The following SLC37A3 variants were observed in gnomAD, a reference collection of about 807,000 sequenced individuals.
The protein encoded by SLC37A3 is solute carrier family 37 member 3.
SLC37A3 carries 51 observed loss-of-function variants against 67.1 expected under a neutral mutation model. That is an observed-to-expected ratio of 0.76 (90% confidence interval 0.61 to 0.96). The LOEUF (loss-of-function observed/expected upper bound fraction) is 0.96, where lower values mean the gene tolerates loss of function less well. SLC37A3 is among the 40% of genes least tolerant of loss of function. The pLI is 0.00. For missense variants in SLC37A3, 508 were observed against 603.0 expected, an observed-to-expected ratio of 0.84 and a Z score of 1.65; for synonymous variants, 214 against 231.4, an observed-to-expected ratio of 0.92 and a Z score of 0.68.
In SLC37A3 at chr7:140,358,750, A is replaced by G. The variant is rs1416475999; in HGVS notation, c.411T>C (p.Arg137=). 9 of 1,614,032 alleles carry G rather than the reference A, an allele frequency of 5.6e-6. No homozygotes were observed. The African/African-American group carries it at 1.2e-4, about 22-fold the overall frequency. Residue 137 remains arginine, a synonymous_variant, in exon 6 of 15, where the codon CGT becomes CGC. Transcript: ENST00000326232. ...AGCAGTACAGCCATTTGTTGTAGAA[A>G]CGCAGCCATTCTGTGAGCGCACCAA... ...FVFGALTEWL[R]FYNKWLYCCL...
rs546322947 is a variant in SLC37A3, at chr7:140,346,101, C to T, written c.1025-131G>A. The stretch of plus-strand genomic sequence containing the variant: ...AGTCTATCAAAAAATATGGCTGGGC[C>T]GGGCTCGGTGGCTCACACCTGTAAT... On this transcript the variant is annotated intron_variant, in intron 10 of 14. Transcript: ENST00000326232. The T allele has an allele frequency of 5.8e-5, 39 of 668,826 alleles. 1 individual carries two copies. In the East Asian group the frequency reaches 7.6e-4, roughly 13 times the overall value. 41.4% of individuals were successfully genotyped at this position (668,826 alleles called of 1,614,324 possible).
rs556435681 is a variant in SLC37A3, at chr7:140,368,327, A to T, written c.291+1263T>A. On this transcript the variant is annotated intron_variant, in intron 4 of 14. Coordinates refer to ENST00000326232, the MANE Select transcript of SLC37A3 (RefSeq NM_207113.3). ...ACGCCTGTAATCCCAGCACTTTGGG[A>T]GGCCGAGGCAAGCGGATCGTCTGAG... is the stretch of plus-strand genomic sequence containing the variant. Among the ~76,000 whole-genome samples, 13 of 152,038 alleles carry T rather than the reference A, an allele frequency of 8.6e-5. No individual in the cohort carries two copies. In the East Asian group the frequency reaches 2.0e-3, roughly 23 times the overall value.
At chr7:140,378,895 A>T (rs920117802) in intron 3 of SLC37A3, among the ~76,000 whole-genome samples, 3 of 150,516 alleles carry the variant, frequency 2.0e-5, no homozygotes, top group Non-Finnish European at 4.4e-5. Context: ...AAAAATACAA[A>T]AATTAGCCAG....
intron 7 of SLC37A3, among the ~76,000 whole-genome samples, chr7:140,354,867 C>T (rs1585283645): frequency 6.6e-6 from 1 of 151,934 alleles, no homozygotes; most frequent in Admixed American, 6.6e-5. Flanking sequence ...CCTCAGCCTC[C>T]TGAATAGCAG....
intron 9 of SLC37A3, among the ~76,000 whole-genome samples, chr7:140,350,450 A>C (rs1381415010): frequency 2.0e-5 from 3 of 152,190 alleles, no homozygotes; most frequent in Non-Finnish European, 2.9e-5. Flanking sequence ...AAGACTGTGG[A>C]GTGCTCTCTT....
chr7:140,380,376 T>C lies in SLC37A3; in HGVS notation c.104A>G (p.His35Arg), dbSNP rs1379227963. ...ATTGCTAAATGTTTTTCGTGAAGCA[T>C]GGAGCAACGAATAACTACAAAATAG... ...LLTFFSYSLL[H>R]ASRKTFSNVK... Residue 35 changes from histidine to arginine, a missense_variant, in exon 3 of 15, where the codon CAT becomes CGT. His to Arg is a conservative substitution (Grantham distance 29, BLOSUM62 0). Coordinates refer to ENST00000326232, the MANE Select transcript of SLC37A3 (RefSeq NM_207113.3). 1.2e-6 allele frequency: 2 copies of C among 1,611,928 alleles called. No homozygotes were observed. The highest frequency in any genetic ancestry group is 1.7e-6 in the Non-Finnish European group (2 of 1,178,512).
At chr7:140,377,459 T>A (rs1417138854) in intron 3 of SLC37A3, among the ~76,000 whole-genome samples, 1 of 152,192 alleles carries the variant, frequency 6.6e-6, no homozygotes, top group Non-Finnish European at 1.5e-5. Flanking sequence ...TTTATTATAG[T>A]TTTTAGCTGA....
chr7:140,342,086 A>T (rs1796381714), intron 13 of SLC37A3, among the ~76,000 whole-genome samples: 1 of 152,216 alleles, frequency 6.6e-6, no homozygotes, highest in African/African-American at 2.4e-5. Flanking sequence ...TACTAAGGTG[A>T]CAGAAGAACA....
intron 1 of SLC37A3, among the ~76,000 whole-genome samples, chr7:140,387,615 A>AATAAATATATATATTATATAAAT (rs1456664455): frequency 3.1e-4 from 40 of 128,156 alleles, no homozygotes; most frequent in East Asian, 8.1e-4. Context: ...ACTCCATCTA[A>AATAAATATATATATTATATAAAT]ATAAATATAT....
chr7:140,360,732 TAAA>T (rs10631882), intron 5 of SLC37A3, among the ~76,000 whole-genome samples: 13 of 137,322 alleles, frequency 9.5e-5, no homozygotes, highest in South Asian at 2.3e-4. Context: ...AGACTCCGTT[TAAA>T]AAAAAAAAAA....
intron 13 of SLC37A3, 43 bp downstream of exon 13, chr7:140,343,369 G>C (rs371646724): frequency 1.2e-6 from 2 of 1,611,290 alleles, no homozygotes; most frequent in Non-Finnish European, 1.7e-6. Flanking sequence ...AGCCGCCTTT[G>C]AGGGAAGACA....
chr7:140,377,086 G>C (rs1798060821), intron 3 of SLC37A3, among the ~76,000 whole-genome samples: 1 of 151,826 alleles, frequency 6.6e-6, no homozygotes, highest in African/African-American at 2.4e-5. Flanking sequence ...TGGGACTACA[G>C]GCATGCATCA....
At chr7:140,345,577 T>C (rs1178556130) in intron 11 of SLC37A3, among the ~76,000 whole-genome samples, 1 of 152,192 alleles carries the variant, frequency 6.6e-6, no homozygotes, top group African/African-American at 2.4e-5. Flanking sequence ...TATTGTTTTA[T>C]TGGCTATAAT....
Position 140,355,698 on chromosome 7 carries a change from T to G in SLC37A3, c.588A>C (p.Leu196=), listed in dbSNP as rs764543758. 18 of 1,613,644 alleles carry G rather than the reference T, an allele frequency of 1.1e-5. No individual in the cohort carries two copies. The highest frequency in any genetic ancestry group is 4.0e-5 in the African/African-American group (3 of 74,784). The change falls in exon 7 of 15, where the codon CTA becomes CTC. Residue 196 remains leucine (L), a synonymous_variant. Transcript: ENST00000326232. The stretch of plus-strand genomic sequence containing the variant: ...AACCATACTGAAGAACAGAAGAAGC[T>G]AGGCACGCTCCCAAAATGTTGCCCA... The part of the protein sequence containing the change: ...ASVGNILGAC[L]ASSVLQYGYE...
intron 1 of SLC37A3, among the ~76,000 whole-genome samples, chr7:140,387,152 T>C (rs1798485235): frequency 6.6e-6 from 1 of 151,964 alleles, no homozygotes; most frequent in African/African-American, 2.4e-5. Flanking sequence ...CAAAATCGAG[T>C]ACATTGTCAT....
At chr7:140,367,425 G>T (rs899505029) in intron 4 of SLC37A3, among the ~76,000 whole-genome samples, 1 of 152,108 alleles carries the variant, frequency 6.6e-6, no homozygotes, top group African/African-American at 2.4e-5. Context: ...AAGAGAGCAA[G>T]ACTCCGTCTC....
rs2116990298 is a variant in SLC37A3 at position 140,335,418 on chromosome 7, C to T, written c.1479G>A (p.Arg493=). The change falls in exon 15 of 15, where the codon AGG becomes AGA. Residue 493 remains arginine (R), a synonymous_variant. Transcript: ENST00000326232. ...LVLRRQAHIL[R]E Reference sequence around the variant, plus strand: ...TCTGTCTCGCGGGCACCGGTCACTCCCTCAATATGTGAGCCTGTCTCCTTA... The same window carrying T: ...TCTGTCTCGCGGGCACCGGTCACTCTCTCAATATGTGAGCCTGTCTCCTTA... 2 of 1,614,156 alleles carry T rather than the reference C, an allele frequency of 1.2e-6. No homozygotes were observed. Among genetic ancestry groups the T allele is most frequent in the South Asian group, 1.1e-5 (1 of 91,080 alleles).
chr7:140,390,799 C>T (rs1360041374), intron 1 of SLC37A3, among the ~76,000 whole-genome samples: 2 of 152,122 alleles, frequency 1.3e-5, no homozygotes, highest in Non-Finnish European at 2.9e-5. Context: ...AGATCACTTA[C>T]CTGAATATAC....
intron 1 of SLC37A3, among the ~76,000 whole-genome samples, chr7:140,389,159 G>T (rs1798626350): frequency 6.6e-6 from 1 of 152,116 alleles, no homozygotes; most frequent in Admixed American, 6.5e-5. Context: ...CTTGCCTGGG[G>T]TCCAGTCTGC....
Sources: allele counts gnomAD v4.1 joint callset (sites outside exome capture counted in the v4.1 genomes callset), GRCh38; gene constraint gnomAD v4.1.1; transcripts MANE v1.5; gene names NCBI Gene and HGNC (gene_info 2026-07-23, HGNC 2026-07-21).